The following RNF213 variants were observed in gnomAD, a reference collection of about 807,000 sequenced individuals.
RNF213 encodes ring finger protein 213.
A neutral mutation model predicts 514.4 loss-of-function variants in RNF213; 341 were observed. The ratio of observed to expected loss-of-function variants is 0.66; its 90% CI spans 0.61 to 0.73. RNF213 has a LOEUF of 0.73. Ranked by LOEUF, RNF213 falls within the 30% of genes least tolerant of loss-of-function variation. RNF213 has a pLI of 0.00. For synonymous variants in RNF213, 2,655 were observed against 2,658.2 expected (o/e 1.00, Z 0.04); for missense variants, 5,767 against 6,615.6 (o/e 0.87, Z 4.45).
Position 80,363,650 on chromosome 17 carries a change from G to A in RNF213, c.11610G>A (p.Leu3870=), listed in dbSNP as rs768064776. The change falls in exon 41 of 68, where the codon CTG becomes CTA. Residue 3870 remains leucine, a synonymous_variant. Coordinates refer to ENST00000582970, the MANE Select transcript of RNF213 (RefSeq NM_001256071.3). ...AFAAMACTEM[L]TRNTLKPSPQ... ...CCGCAATGGCCTGCACGGAGATGCT[G>A]ACAAGAAACACCCTGAAGCCCAGTC... 1.2e-6 allele frequency: 2 copies of A among 1,614,104 alleles called. No homozygotes were observed. Among genetic ancestry groups the A allele is most frequent in the Admixed American group, 3.3e-5 (2 of 60,026 alleles).
rs1212316269 is a variant in RNF213 at position 80,398,409 on chromosome 17, G to A, written c.*4911G>A. The A allele has an allele frequency of 6.6e-6, 1 of 152,118 alleles. No homozygotes were observed. Among genetic ancestry groups the A allele is most frequent in the Non-Finnish European group, 1.5e-5 (1 of 68,022 alleles). 9.4% of individuals were successfully genotyped at this position (152,118 alleles called of 1,614,324 possible). Reference sequence around the variant, plus strand: ...AGGAAAGGATTTAAGGGAGACTATGGAGTACTATGACACCAGGAAAACTTA... The same window carrying A: ...AGGAAAGGATTTAAGGGAGACTATGAAGTACTATGACACCAGGAAAACTTA... On this transcript the variant is annotated 3_prime_UTR_variant, in exon 68 of 68. Coordinates refer to ENST00000582970, the MANE Select transcript of RNF213 (RefSeq NM_001256071.3).
At position 80,363,727 on chromosome 17, in the gene RNF213, T is replaced by A. The variant is rs1205466423; in HGVS notation, c.11687T>A (p.Ile3896Asn). The change falls in exon 41 of 68, where the codon ATC becomes AAC. Residue 3896 changes from isoleucine to asparagine, a missense_variant. Transcript: ENST00000582970. ...VKNLSMPLEL[I>N]CSDEHMQGSG... The stretch of plus-strand genomic sequence containing the variant: ...AATCTTTCCATGCCGCTGGAGCTCA[T>A]CTGCTCCGATGAGCACATGCAAGGC... 3 of 1,613,812 alleles carry A rather than the reference T, an allele frequency of 1.9e-6. No homozygotes were observed. Among genetic ancestry groups the A allele is most frequent in the East Asian group, 2.2e-5 (1 of 44,874 alleles).
rs2079192591 is a variant in RNF213, at chr17:80,364,725, A to ATTGT, written c.11871+175_11871+178dup. On this transcript the variant is annotated intron_variant, in intron 42 of 67. Transcript: ENST00000582970. Reference sequence around the variant, plus strand: ...TAGGCCATTACATTTTCCATGTTTAATTGTTTAATTATTTACCCTCTGCTG... The same window carrying ATTGT: ...TAGGCCATTACATTTTCCATGTTTAATTGTTTGTTTAATTATTTACCCTCTGCTG... 5.5e-6 allele frequency: 4 copies of ATTGT among 729,738 alleles called. No individual in the cohort carries two copies. In the East Asian group the frequency reaches 1.1e-4, roughly 20 times the overall value. The allele number at this position is 729,738 out of a possible 1,614,324, so 45.2% of individuals were successfully genotyped here.
intron 40 of RNF213, 110 bp downstream of exon 40, chr17:80,363,424 G>C: frequency 8.0e-7 from 1 of 1,248,934 alleles, no homozygotes; most frequent in Non-Finnish European, 1.2e-6. Context: ...TCTTCACAAG[G>C]CACATACCTT....
chr17:80,396,058 TG>T lies in RNF213; in HGVS notation c.*2561del, dbSNP rs2080652959. The T allele has an allele frequency of 6.6e-6, 1 of 152,242 alleles. No individual in the cohort carries two copies. Among genetic ancestry groups the T allele is most frequent in the South Asian group, 2.1e-4 (1 of 4,830 alleles). The allele number at this position is 152,242 out of a possible 1,614,324, so 9.4% of individuals were successfully genotyped here. A position where few individuals can be genotyped will look rare whatever the true frequency, so the allele number is the denominator to read the frequency against. On this transcript the variant is annotated 3_prime_UTR_variant, in exon 68 of 68. Transcript: ENST00000582970. ...TCTGCTTTCAGCCCTACCTTGGTGGTGATTTACCTGAAAATCTTCACAACTG... is the reference window on the plus strand; with the variant it reads ...TCTGCTTTCAGCCCTACCTTGGTGGTATTTACCTGAAAATCTTCACAACTG...
rs748015426 is a variant in RNF213, at chr17:80,343,819, G to A, written c.6184-38G>A. The A allele has an allele frequency of 3.3e-5, 53 of 1,611,658 alleles. No individual in the cohort carries two copies. Among genetic ancestry groups the A allele is most frequent in the Non-Finnish European group, 4.0e-5 (47 of 1,178,108 alleles). On this transcript the variant is annotated intron_variant, in intron 27 of 67. Transcript: ENST00000582970. The surrounding 1 kb of genome is among the most constrained non-coding windows in gnomAD (Gnocchi z 4.3). Reference sequence around the variant, plus strand: ...CTTAGAGTTGGGAGAACTCGCCATCGTGTCGTGTGTTTACACCTCGTGCGA... The same window carrying A: ...CTTAGAGTTGGGAGAACTCGCCATCATGTCGTGTGTTTACACCTCGTGCGA...
In RNF213 at chr17:80,389,346, T is replaced by C. The variant is rs1599219472; in HGVS notation, c.15174T>C (p.Asp5058=). The C allele has an allele frequency of 3.1e-6, 5 of 1,614,126 alleles. No homozygotes were observed. The highest frequency in any genetic ancestry group is 1.6e-4 in the Middle Eastern group (1 of 6,062). ...CTCAAGACATCCTGCAAATGGGTGATCAGACGATTCACGTGTTAAAGGTGG... is the reference window on the plus strand; with the variant it reads ...CTCAAGACATCCTGCAAATGGGTGACCAGACGATTCACGTGTTAAAGGTGG... ...VYTQDILQMG[D]QTIHVLKALN... The change falls in exon 65 of 68, where the codon GAT becomes GAC. Residue 5058 remains aspartate, a synonymous_variant. Transcript: ENST00000582970.
chr17:80,366,152 G>A lies in RNF213; in HGVS notation c.11872-1596G>A, dbSNP rs538122981. On this transcript the variant is annotated intron_variant, in intron 42 of 67. Coordinates refer to ENST00000582970, the MANE Select transcript of RNF213 (RefSeq NM_001256071.3). ...TTGGGGGAAAGCCCTGCCTTCCGCC[G>A]TGAGGCTGGCTCCCTCGGCCGGGCA... is the stretch of plus-strand genomic sequence containing the variant. Among the ~76,000 whole-genome samples the A allele has an allele frequency of 7.7e-4, 118 of 152,350 alleles. 1 individual carries two copies. Among genetic ancestry groups the A allele is most frequent in the African/African-American group, 2.5e-3 (106 of 41,594 alleles).
chr17:80,291,976 T>C (rs2044747423), intron 8 of RNF213, 149 bp downstream of exon 8: 3 of 801,522 alleles, frequency 3.7e-6, no homozygotes, highest in South Asian at 2.9e-5. Flanking sequence ...AGCCTCCAGG[T>C]TCAGTGACAC....
chr17:80,354,117 G>A lies in RNF213; in HGVS notation c.10677G>A (p.Arg3559=). 2 of 1,614,136 alleles carry A rather than the reference G, an allele frequency of 1.2e-6. No individual in the cohort carries two copies. The highest frequency in any genetic ancestry group is 1.7e-6 in the Non-Finnish European group (2 of 1,180,048). ...DQNESCTRNM[R]RVVLLLGLLN... ...ACGAGAGCTGCACGCGCAATATGCG[G>A]AGGGTGGTGCTCCTCCTGGGCCTCT... The change falls in exon 35 of 68, where the codon CGG becomes CGA. Residue 3559 remains arginine, a synonymous_variant. Coordinates refer to ENST00000582970, the MANE Select transcript of RNF213 (RefSeq NM_001256071.3).
At position 80,358,528 on chromosome 17, in the gene RNF213, G is replaced by C. The variant is rs187194050; in HGVS notation, c.11054+49G>C. 205 of 1,542,442 alleles carry C rather than the reference G, an allele frequency of 1.3e-4. No homozygotes were observed. The African/African-American group carries it at 1.8e-3, about 14-fold the overall frequency. On this transcript the variant is annotated intron_variant, in intron 37 of 67. Transcript: ENST00000582970. ...TGGGGAGAGAAACTATCAGAACACA[G>C]CAGGACCCTAATATGCTCTCCCAAG...
chr17:80,312,142 A>T (rs2045593208), intron 14 of RNF213, among the ~76,000 whole-genome samples: 1 of 152,026 alleles, frequency 6.6e-6, no homozygotes, highest in South Asian at 2.1e-4. Flanking sequence ...AAAAGAAAAA[A>T]AAGAAAAAGA....
At position 80,343,477 on chromosome 17, in the gene RNF213, TGTC is replaced by T. The variant is rs2078220682; in HGVS notation, c.6183+153_6183+155del. On this transcript the variant is annotated intron_variant, in intron 27 of 67. Transcript: ENST00000582970. This position sits in a 1 kb window ranked among gnomAD's most constrained non-coding sequence, Gnocchi z 4.3. ...TGGGAATGTGCTCTGAGAAGTGTGT[TGTC>T]AGGCAGTTTCCTCCTTGTGTGAACG... 2.5e-6 allele frequency: 2 copies of T among 798,858 alleles called. No homozygotes were observed. The highest frequency in any genetic ancestry group is 5.3e-5 in the East Asian group (2 of 37,538). The allele number at this position is 798,858 out of a possible 1,614,324, so 49.5% of individuals were successfully genotyped here.
chr17:80,261,489 C>T (rs76524822), intron 1 of RNF213, among the ~76,000 whole-genome samples: 3,865 of 152,248 alleles, frequency 0.025, 83 homozygotes, highest in East Asian at 0.12. Context: ...GGGCCGGGCC[C>T]TGGGGGAGTC....
Position 80,360,193 on chromosome 17 carries a change from C to G in RNF213, c.11187C>G (p.Ile3729Met). 6.2e-7 allele frequency: 1 copy of G among 1,613,292 alleles called. No individual in the cohort carries two copies. The highest frequency in any genetic ancestry group is 8.5e-7 in the Non-Finnish European group (1 of 1,179,648). ...LEELWVQAQY[I>M]TDAEGLPKKF... ...AGCTGTGGGTCCAGGCTCAGTACAT[C>G]ACAGACGCAGAAGGTGAGGCTACCT... The change falls in exon 38 of 68, where the codon ATC (isoleucine) becomes ATG (methionine). Residue 3729 changes from isoleucine to methionine, a missense_variant. By Grantham distance (10) the Ile-to-Met change is conservative. Around this residue, in one of 13 missense-constraint regions of RNF213, gnomAD observed 355 missense variants for 358.0 expected, o/e 0.99. Coordinates refer to ENST00000582970, the MANE Select transcript of RNF213 (RefSeq NM_001256071.3).
intron 40 of RNF213, 32 bp downstream of exon 40, chr17:80,363,346 C>T: frequency 6.3e-7 from 1 of 1,595,448 alleles, no homozygotes; most frequent in Non-Finnish European, 8.6e-7. Flanking sequence ...CCTGAGCAAG[C>T]CTTGTGGTGC....
chr17:80,306,411 C>A lies in RNF213; in HGVS notation c.2370C>A (p.Asp790Glu). 6.2e-7 allele frequency: 1 copy of A among 1,614,186 alleles called. No individual in the cohort carries two copies. The highest frequency in any genetic ancestry group is 8.5e-7 in the Non-Finnish European group (1 of 1,180,040). ...HLGRFPAHIL[D>E]CLSGIYYRLP... ...GTCGTTTTCCTGCTCATATCCTGGA[C>A]TGTCTTTCAGGGATTTACTACCGGC... Residue 790 changes from aspartate to glutamate, a missense_variant, in exon 12 of 68, where the codon GAC (aspartate) becomes GAA (glutamate). Asp to Glu is a conservative substitution (Grantham distance 45, BLOSUM62 2). Transcript: ENST00000582970.
At chr17:80,331,080 A>G (rs2046401092) in intron 20 of RNF213, among the ~76,000 whole-genome samples, 1 of 152,148 alleles carries the variant, frequency 6.6e-6, no homozygotes, top group African/African-American at 2.4e-5. Context: ...CAGCCTCCCA[A>G]AGTGCTGGGA....
intron 32 of RNF213, chr17:80,352,141 C>T: frequency 7.6e-6 from 2 of 262,512 alleles, no homozygotes; most frequent in Non-Finnish European, 7.4e-6. Flanking sequence ...GTGTGAGCCA[C>T]CGCACCCAGC....
Sources: gnomAD v4.1 joint callset for allele counts (sites outside exome capture counted in the v4.1 genomes callset) on GRCh38, gnomAD v4.1.1 for gene constraint, gnomAD v4.1.1 regional missense constraint, Gnocchi (gnomAD v3.1) non-coding constraint, MANE v1.5 for transcripts, NCBI Gene and HGNC (gene_info 2026-07-23, HGNC 2026-07-21) for gene names.